EDC4: variants seen among roughly 807,000 people sequenced by gnomAD.
The protein encoded by EDC4 is enhancer of mRNA-decapping protein 4.
In EDC4, 64 loss-of-function variants were observed where a neutral mutation model predicts 155.8. The observed-to-expected ratio is 0.41, with a 90% CI of 0.34 to 0.51. The LOEUF (loss-of-function observed/expected upper bound fraction) is 0.51, where lower values mean the gene tolerates loss of function less well. Ranked by LOEUF, EDC4 falls within the 20% of genes least tolerant of loss-of-function variation. The probability of loss-of-function intolerance (pLI) is 0.19; values close to 1 mark genes in which losing one functional copy is unlikely to be tolerated. For missense variants in EDC4, 1,303 were observed against 1,812.5 expected, an observed-to-expected ratio of 0.72 and a Z score of 5.10; for synonymous variants, 684 against 716.8, an observed-to-expected ratio of 0.95 and a Z score of 0.73.
Position 67,873,397 on chromosome 16 carries a change from G to C in EDC4, c.82+54G>C, listed in dbSNP as rs536861194. 7.2e-5 allele frequency: 97 copies of C among 1,345,698 alleles called. No homozygotes were observed. In the South Asian group the frequency reaches 1.4e-3, roughly 20 times the overall value. The allele number at this position is 1,345,698 out of a possible 1,614,324, so 83.4% of individuals were successfully genotyped here. On this transcript the variant is annotated intron_variant, in intron 1 of 28. Transcript: ENST00000358933. ...AGGCGAGCTGACAAAAGGGCGGCGC[G>C]CGTCTGAACCGCCATTGGGGCCCAC...
chr16:67,877,176 C>T lies in EDC4; in HGVS notation c.452-41C>T. The stretch of plus-strand genomic sequence containing the variant: ...CAGCGCTTCTCTGCTACTGCCTGAG[C>T]CTGGATACGTATTCATGGTCCACTG... On this transcript the variant is annotated intron_variant, in intron 4 of 28. Coordinates refer to ENST00000358933, the MANE Select transcript of EDC4 (RefSeq NM_014329.5). This position sits in a 1 kb window ranked among gnomAD's most constrained non-coding sequence, Gnocchi z 4.9. 1.3e-6 allele frequency: 2 copies of T among 1,584,058 alleles called. No individual in the cohort carries two copies. The highest frequency in any genetic ancestry group is 8.6e-7 in the Non-Finnish European group (1 of 1,163,094).
chr16:67,876,182 C>G lies in EDC4; in HGVS notation c.239+81C>G. 6.9e-7 allele frequency: 1 copy of G among 1,450,924 alleles called. No individual in the cohort carries two copies. Among genetic ancestry groups the G allele is most frequent in the Non-Finnish European group, 9.5e-7 (1 of 1,047,536 alleles). The allele number at this position is 1,450,924 out of a possible 1,614,324, so 89.9% of individuals were successfully genotyped here. A position where few individuals can be genotyped will look rare whatever the true frequency, so the allele number is the denominator to read the frequency against. ...CTGAAGGCATGAGATGGGGAGTGAG[C>G]GGGGCCAGCAGCCTCTGCTGCTTCC... is the stretch of plus-strand genomic sequence containing the variant. On this transcript the variant is annotated intron_variant, in intron 2 of 28. Transcript: ENST00000358933. This position sits in a 1 kb window ranked among gnomAD's most constrained non-coding sequence, Gnocchi z 5.8.
chr16:67,877,455 G>A lies in EDC4; in HGVS notation c.641+49G>A. ...GTGGGACTGAAGAAGGGTGGGCGGA[G>A]CTGGGGTGTCACGCCTCTTCATTCA... On this transcript the variant is annotated intron_variant, in intron 5 of 28. Transcript: ENST00000358933. This position sits in a 1 kb window ranked among gnomAD's most constrained non-coding sequence, Gnocchi z 4.9. 2 of 1,611,258 alleles carry A rather than the reference G, an allele frequency of 1.2e-6. No individual in the cohort carries two copies. Among genetic ancestry groups the A allele is most frequent in the Non-Finnish European group, 1.7e-6 (2 of 1,177,974 alleles).
chr16:67,883,898 G>C lies in EDC4; in HGVS notation c.4014-58G>C, dbSNP rs2058081872. On this transcript the variant is annotated intron_variant, in intron 28 of 28. Coordinates refer to ENST00000358933, the MANE Select transcript of EDC4 (RefSeq NM_014329.5). The surrounding 1 kb of genome is among the most constrained non-coding windows in gnomAD (Gnocchi z 5.3). ...TCCCTCTGGGCCTCGGTGCCACCAG[G>C]GGGCGCTCCCGTCTGCTGGCACCCA... is the stretch of plus-strand genomic sequence containing the variant. 2.6e-6 allele frequency: 4 copies of C among 1,543,468 alleles called. No homozygotes were observed. The highest frequency in any genetic ancestry group is 3.5e-6 in the Non-Finnish European group (4 of 1,143,640).
Position 67,878,703 on chromosome 16 carries a change from T to G in EDC4, c.1185-34T>G, listed in dbSNP as rs1303934779. Reference sequence around the variant, plus strand: ...TTGGGAATGTAGCTTCCTTCAGTTCTCAGGCTCATTCACTCTGCTTTGTGG... The same window carrying G: ...TTGGGAATGTAGCTTCCTTCAGTTCGCAGGCTCATTCACTCTGCTTTGTGG... On this transcript the variant is annotated intron_variant, in intron 10 of 28. Transcript: ENST00000358933. The surrounding 1 kb of genome is among the most constrained non-coding windows in gnomAD (Gnocchi z 5.2). 2.5e-6 allele frequency: 4 copies of G among 1,614,078 alleles called. No homozygotes were observed. The highest frequency in any genetic ancestry group is 1.7e-6 in the Non-Finnish European group (2 of 1,180,038).
chr16:67,877,528 A>G lies in EDC4; in HGVS notation c.661A>G (p.Ile221Val). 3 of 1,614,192 alleles carry G rather than the reference A, an allele frequency of 1.9e-6. No individual in the cohort carries two copies. Among genetic ancestry groups the G allele is most frequent in the Non-Finnish European group, 2.5e-6 (3 of 1,180,028 alleles). ...GCTCAGAGAAGAGATCTTGGTCCATATTCGGCAGCCAGAGGGCACGCCACT... is the reference window on the plus strand; with the variant it reads ...GCTCAGAGAAGAGATCTTGGTCCATGTTCGGCAGCCAGAGGGCACGCCACT... Reference protein sequence around the residue: ...GKIQEEILVHIRQPEGTPLNH... With the variant: ...GKIQEEILVHVRQPEGTPLNH... Residue 221 changes from isoleucine to valine, a missense_variant, in exon 6 of 29, where the codon ATT becomes GTT. By Grantham distance (29) the Ile-to-Val change is conservative. Around this residue, in one of 5 missense-constraint regions of EDC4, gnomAD observed 235 missense variants for 367.7 expected, o/e 0.64. Coordinates refer to ENST00000358933, the MANE Select transcript of EDC4 (RefSeq NM_014329.5). This position sits in a 1 kb window ranked among gnomAD's most constrained non-coding sequence, Gnocchi z 4.9.
At position 67,883,098 on chromosome 16, in the gene EDC4, C is replaced by T; in HGVS notation, c.3770C>T (p.Ala1257Val). The T allele has an allele frequency of 6.2e-6, 10 of 1,611,710 alleles. No homozygotes were observed. Among genetic ancestry groups the T allele is most frequent in the Non-Finnish European group, 8.5e-6 (10 of 1,179,470 alleles). ...GCTGCTGGCACACCTGTCCCCTCTG[C>T]CCACCTTGACTGCCAGGCCCAGCAA... is the stretch of plus-strand genomic sequence containing the variant. ...RSAAGTPVPSAHLDCQAQQAH... is the reference protein window; with the variant it reads ...RSAAGTPVPSVHLDCQAQQAH... Residue 1257 changes from alanine (A) to valine (V), a missense_variant, in exon 27 of 29, where the codon GCC becomes GTC. By Grantham distance (64) the Ala-to-Val change is moderately conservative (BLOSUM62 0). This residue lies in a region of EDC4 where 527 missense variants were observed against 757.0 expected (regional missense o/e 0.70). Transcript: ENST00000358933. This position sits in a 1 kb window ranked among gnomAD's most constrained non-coding sequence, Gnocchi z 5.3.
Position 67,882,388 on chromosome 16 carries a change from T to A in EDC4, c.3277-41T>A. ...GTTCCTGGGCCTAGTCAGGCCAGGC[T>A]GGGCTCAGGCTTTCAACTTGGCCCC... On this transcript the variant is annotated intron_variant, in intron 24 of 28. Transcript: ENST00000358933. The surrounding 1 kb of genome is among the most constrained non-coding windows in gnomAD (Gnocchi z 7.2). 6.2e-7 allele frequency: 1 copy of A among 1,612,846 alleles called. No homozygotes were observed. Among genetic ancestry groups the A allele is most frequent in the Non-Finnish European group, 8.5e-7 (1 of 1,179,056 alleles).
In EDC4 at chr16:67,881,204, C is replaced by T. The variant is rs772197269; in HGVS notation, c.2636+24C>T. On this transcript the variant is annotated intron_variant, in intron 19 of 28. Coordinates refer to ENST00000358933, the MANE Select transcript of EDC4 (RefSeq NM_014329.5). The surrounding 1 kb of genome is among the most constrained non-coding windows in gnomAD (Gnocchi z 5.4). ...AGGTGGGAGCCACTCTACACCATTG[C>T]CCTCATGGGGGGATGGGCAGCAAGT... 4.3e-6 allele frequency: 7 copies of T among 1,614,060 alleles called. No homozygotes were observed. Among genetic ancestry groups the T allele is most frequent in the Non-Finnish European group, 5.9e-6 (7 of 1,179,988 alleles).
chr16:67,880,435 C>A lies in EDC4; in HGVS notation c.2098-122C>A. 1 of 1,422,340 alleles carries A rather than the reference C, an allele frequency of 7.0e-7. No homozygotes were observed. Among genetic ancestry groups the A allele is most frequent in the Non-Finnish European group, 9.6e-7 (1 of 1,046,870 alleles). The allele number at this position is 1,422,340 out of a possible 1,614,324, so 88.1% of individuals were successfully genotyped here. On this transcript the variant is annotated intron_variant, in intron 17 of 28. Coordinates refer to ENST00000358933, the MANE Select transcript of EDC4 (RefSeq NM_014329.5). This position sits in a 1 kb window ranked among gnomAD's most constrained non-coding sequence, Gnocchi z 5.2. ...TCTTGGCTGTGGCCTCGTTTTTGAC[C>A]TGTATCCCCACTTCCCTGCTGCCCT...
Position 67,877,669 on chromosome 16 carries a change from A to G in EDC4, c.789+13A>G, listed in dbSNP as rs2058047491. ...GCATGAAGACCGGGTGAGGGGGCTG[A>G]CATGGCGAAGAGGCGCCAGAGAAGC... On this transcript the variant is annotated intron_variant, in intron 6 of 28. Transcript: ENST00000358933. The surrounding 1 kb of genome is among the most constrained non-coding windows in gnomAD (Gnocchi z 4.9). The G allele has an allele frequency of 6.2e-7, 1 of 1,614,018 alleles. No individual in the cohort carries two copies.
At position 67,879,160 on chromosome 16, in the gene EDC4, CTA is replaced by C. The variant is rs1386158813; in HGVS notation, c.1468+25_1468+26del. Reference sequence around the variant, plus strand: ...CTGGTGAGCTGCCTCAGGGTCAGAGCTATGTGTCCATATATCTAGGGGGTTGT... The same window carrying C: ...CTGGTGAGCTGCCTCAGGGTCAGAGCTGTGTCCATATATCTAGGGGGTTGT... On this transcript the variant is annotated intron_variant, in intron 12 of 28. Transcript: ENST00000358933. The surrounding 1 kb of genome is among the most constrained non-coding windows in gnomAD (Gnocchi z 6.0). 6.2e-7 allele frequency: 1 copy of C among 1,613,946 alleles called. No homozygotes were observed. Among genetic ancestry groups the C allele is most frequent in the Admixed American group, 1.7e-5 (1 of 60,000 alleles).
At position 67,880,669 on chromosome 16, in the gene EDC4, C is replaced by G; in HGVS notation, c.2210C>G (p.Ser737Cys). ...TCCCCTGATGTCATCTCCTCAGCTT[C>G]CACTGCCCTGTCCCAGGACATCCCT... Reference protein sequence around the residue: ...TRSPDVISSASTALSQDIPEI... With the variant: ...TRSPDVISSACTALSQDIPEI... Residue 737 changes from serine to cysteine, a missense_variant, in exon 18 of 29, where the codon TCC becomes TGC. Transcript: ENST00000358933. This position sits in a 1 kb window ranked among gnomAD's most constrained non-coding sequence, Gnocchi z 5.2. 5 of 1,614,222 alleles carry G rather than the reference C, an allele frequency of 3.1e-6. No individual in the cohort carries two copies. The highest frequency in any genetic ancestry group is 4.2e-6 in the Non-Finnish European group (5 of 1,180,026).
At position 67,880,918 on chromosome 16, in the gene EDC4, C is replaced by T. The variant is rs1415590660; in HGVS notation, c.2459C>T (p.Ser820Leu). The T allele has an allele frequency of 8.1e-6, 13 of 1,613,864 alleles. No homozygotes were observed. The highest frequency in any genetic ancestry group is 1.0e-5 in the Non-Finnish European group (12 of 1,180,000). ...GAGGCAGCCTTGACCCAGGAGGCCT[C>T]GACTCCTGACAGTCAGGTTTGGCCC... ...LLEAALTQEA[S>L]TPDSQVWPTA... is the part of the protein sequence containing the mutation. Residue 820 changes from serine to leucine, a missense_variant, in exon 18 of 29, where the codon TCG (serine) becomes TTG (leucine). Physicochemically the swap from Ser to Leu is moderately radical, Grantham distance 145. Transcript: ENST00000358933. The surrounding 1 kb of genome is among the most constrained non-coding windows in gnomAD (Gnocchi z 5.2).
Position 67,879,223 on chromosome 16 carries a change from C to T in EDC4, c.1469-14C>T, listed in dbSNP as rs762057014. On this transcript the variant is annotated splice_polypyrimidine_tract_variant and intron_variant, in intron 12 of 28. Coordinates refer to ENST00000358933, the MANE Select transcript of EDC4 (RefSeq NM_014329.5). This position sits in a 1 kb window ranked among gnomAD's most constrained non-coding sequence, Gnocchi z 6.0. ...AGAGGGCCAGGGGCTTCATCATCCA[C>T]ACTGTCCTTTCAGATGGTACCCATG... 3 of 1,614,204 alleles carry T rather than the reference C, an allele frequency of 1.9e-6. No homozygotes were observed. The highest frequency in any genetic ancestry group is 2.5e-6 in the Non-Finnish European group (3 of 1,180,032).
In EDC4 at chr16:67,879,527, T is replaced by G. The variant is rs1287559699; in HGVS notation, c.1633+24T>G. 1.9e-6 allele frequency: 3 copies of G among 1,613,506 alleles called. No individual in the cohort carries two copies. The highest frequency in any genetic ancestry group is 2.5e-6 in the Non-Finnish European group (3 of 1,179,908). On this transcript the variant is annotated intron_variant, in intron 14 of 28. Coordinates refer to ENST00000358933, the MANE Select transcript of EDC4 (RefSeq NM_014329.5). The surrounding 1 kb of genome is among the most constrained non-coding windows in gnomAD (Gnocchi z 6.0). ...CAGTGAGTAGGGCGTGAGAGGGAGG[T>G]AGGGTAAGTTGGACTGACCAGGGTC...
At position 67,883,231 on chromosome 16, in the gene EDC4, C is replaced by A; in HGVS notation, c.3849+54C>A. On this transcript the variant is annotated intron_variant, in intron 27 of 28. Transcript: ENST00000358933. The surrounding 1 kb of genome is among the most constrained non-coding windows in gnomAD (Gnocchi z 5.3). ...GTCACGTGTCTCTTGACAAGGCCCA[C>A]ATACCATACATTCTACTCCACCCAC... 6.7e-7 allele frequency: 1 copy of A among 1,503,478 alleles called. No individual in the cohort carries two copies. Among genetic ancestry groups the A allele is most frequent in the Non-Finnish European group, 8.9e-7 (1 of 1,124,842 alleles). The allele number at this position is 1,503,478 out of a possible 1,614,324, so 93.1% of individuals were successfully genotyped here.
Position 67,879,344 on chromosome 16 carries a change from T to G in EDC4, c.1541+35T>G. 6.2e-7 allele frequency: 1 copy of G among 1,614,242 alleles called. No individual in the cohort carries two copies. Among genetic ancestry groups the G allele is most frequent in the Non-Finnish European group, 8.5e-7 (1 of 1,180,030 alleles). On this transcript the variant is annotated intron_variant, in intron 13 of 28. Coordinates refer to ENST00000358933, the MANE Select transcript of EDC4 (RefSeq NM_014329.5). This position sits in a 1 kb window ranked among gnomAD's most constrained non-coding sequence, Gnocchi z 6.0. ...TGGGGAGGCCCGCCAGTGTCCTGTC[T>G]GTGTCTGTCTCCACTCTACTGACCC...
chr16:67,877,161 C>T lies in EDC4; in HGVS notation c.452-56C>T, dbSNP rs1644986554. ...GGGAGACAGGTGGGGCAGCGCTTCT[C>T]TGCTACTGCCTGAGCCTGGATACGT... On this transcript the variant is annotated intron_variant, in intron 4 of 28. Coordinates refer to ENST00000358933, the MANE Select transcript of EDC4 (RefSeq NM_014329.5). The surrounding 1 kb of genome is among the most constrained non-coding windows in gnomAD (Gnocchi z 4.9). 2 of 1,563,094 alleles carry T rather than the reference C, an allele frequency of 1.3e-6. No homozygotes were observed. The highest frequency in any genetic ancestry group is 2.7e-5 in the African/African-American group (2 of 73,826).
Sources: gnomAD v4.1 joint callset for allele counts on GRCh38, gnomAD v4.1.1 for gene constraint, gnomAD v4.1.1 regional missense constraint, Gnocchi (gnomAD v3.1) non-coding constraint, MANE v1.5 for transcripts, NCBI Gene and HGNC (gene_info 2026-07-23, HGNC 2026-07-21) for gene names.